PPP1R21: variants seen among roughly 807,000 people sequenced by gnomAD.
PPP1R21 encodes the protein protein phosphatase 1 regulatory subunit 21.
Under a neutral mutation model 112.8 loss-of-function variants are expected in PPP1R21, and 85 were observed. The ratio of observed to expected loss-of-function variants is 0.75; its 90% confidence interval spans 0.63 to 0.90. The LOEUF (loss-of-function observed/expected upper bound fraction) is 0.90. Ranked by LOEUF, PPP1R21 falls within the 40% of genes least tolerant of loss-of-function variation. The probability of loss-of-function intolerance (pLI) is 0.00; values close to 1 mark genes in which losing one functional copy is unlikely to be tolerated. For missense variants in PPP1R21, 1,199 were observed against 901.5 expected (o/e 1.33, Z -4.23); for synonymous variants, 381 against 322.3 (o/e 1.18, Z -1.95).
chr2:48,481,189 A>G (rs1394158727), intron 13 of PPP1R21, among the ~76,000 whole-genome samples: 2 of 152,144 alleles, frequency 1.3e-5, no homozygotes, highest in Non-Finnish European at 2.9e-5. Flanking sequence ...GGGTTTCGCC[A>G]TGTTGGCCAG....
chr2:48,474,492 A>T (rs970906344), intron 11 of PPP1R21, among the ~76,000 whole-genome samples, 191 bp from the exon 12 acceptor site: 2 of 152,228 alleles, frequency 1.3e-5, no homozygotes, highest in African/African-American at 4.8e-5. Context: ...GTCATCTTAT[A>T]TTCCATTGGT....
chr2:48,461,193 T>C lies in PPP1R21; in HGVS notation c.655T>C (p.Leu219=), dbSNP rs774830692. 6.3e-7 allele frequency: 1 copy of C among 1,582,442 alleles called. No individual in the cohort carries two copies. The highest frequency in any genetic ancestry group is 1.2e-5 in the South Asian group (1 of 83,970). ...TTTGTCAGGTAGATTAGAGGAATCCTTATCAATCATCAATGAAAAAGTACC... is the reference window on the plus strand; with the variant it reads ...TTTGTCAGGTAGATTAGAGGAATCCCTATCAATCATCAATGAAAAAGTACC... ...EDLSGRLEES[L]SIINEKVPFN... is the part of the protein sequence containing the mutation. The change falls in exon 7 of 22, where the codon TTA becomes CTA. Residue 219 remains leucine (L), a synonymous_variant. Coordinates refer to ENST00000294952, the MANE Select transcript of PPP1R21 (RefSeq NM_001135629.3).
intron 2 of PPP1R21, among the ~76,000 whole-genome samples, chr2:48,451,437 TCTCA>T (rs1409554791): frequency 2.0e-5 from 3 of 152,364 alleles, no homozygotes; most frequent in African/African-American, 4.8e-5. Context: ...TTTGAATCCC[TCTCA>T]CTCAGCAGAT....
chr2:48,496,838 T>C (rs1323304199), intron 16 of PPP1R21, among the ~76,000 whole-genome samples: 1 of 152,202 alleles, frequency 6.6e-6, no homozygotes, highest in Non-Finnish European at 1.5e-5. Context: ...GCAGTCTCCA[T>C]GAAAAGCCCA....
intron 12 of PPP1R21, among the ~76,000 whole-genome samples, chr2:48,478,569 G>C (rs1668861859): frequency 6.6e-6 from 1 of 152,120 alleles, no homozygotes; most frequent in South Asian, 2.1e-4. Flanking sequence ...ATGTCGTGGG[G>C]CATCAATTGT....
At chr2:48,463,871 T>C (rs1046354168) in intron 7 of PPP1R21, among the ~76,000 whole-genome samples, 2 of 151,810 alleles carry the variant, frequency 1.3e-5, no homozygotes, top group African/African-American at 4.8e-5. Flanking sequence ...GCTGTGATTT[T>C]CTTGGTGGAG....
At chr2:48,469,525 T>G (rs1052328326) in intron 9 of PPP1R21, among the ~76,000 whole-genome samples, 796 of 71,702 alleles carry the variant, frequency 0.011, 93 homozygotes, top group South Asian at 0.036. Flanking sequence ...TATATATATA[T>G]ATATATATAT....
Position 48,494,415 on chromosome 2 carries a change from ATTT to A in PPP1R21, c.1600-1263_1600-1261del, listed in dbSNP as rs1558503541. ...TCTAACATAAAGCCTATTTTATTTT[ATTT>A]ATTTATTTATTTATTTATTTATTTT... On this transcript the variant is annotated intron_variant, in intron 15 of 21. Transcript: ENST00000294952. Among the ~76,000 whole-genome samples the A allele has an allele frequency of 1.6e-3, 11 of 6,722 alleles. No homozygotes were observed. The South Asian group carries it at 0.024, about 14-fold the overall frequency. 4.4% of individuals were successfully genotyped at this position (6,722 alleles called of 152,430 possible). A position where few individuals can be genotyped will look rare whatever the true frequency, so the allele number is the denominator to read the frequency against.
chr2:48,503,814 G>A (rs376509809), intron 17 of PPP1R21, among the ~76,000 whole-genome samples: 19 of 151,934 alleles, frequency 1.3e-4, no homozygotes, highest in East Asian at 7.7e-4. Flanking sequence ...TTAGCTGGGC[G>A]TGGTGGTGGG....
At chr2:48,451,927 A>G (rs1027619584) in intron 2 of PPP1R21, among the ~76,000 whole-genome samples, 11 of 152,266 alleles carry the variant, frequency 7.2e-5, no homozygotes, top group Non-Finnish European at 8.8e-5. Context: ...CAGTTGTTGG[A>G]TCCTACAGGA....
chr2:48,456,016 A>G (rs1473575454), intron 3 of PPP1R21, among the ~76,000 whole-genome samples: 1 of 26,418 alleles, frequency 3.8e-5, no homozygotes, highest in East Asian at 4.2e-4. Context: ...CACTGTCTCA[A>G]AAAAAAAAAA....
intron 11 of PPP1R21, among the ~76,000 whole-genome samples, chr2:48,472,239 CAAAAAAAAAAAAAAAA>C (rs57711610): frequency 7.0e-5 from 3 of 43,014 alleles, no homozygotes; most frequent in Admixed American, 4.7e-4. Context: ...GACTCCATCT[CAAAAAAAAAAAAAAAA>C]AAAAAAAAAA....
At position 48,454,138 on chromosome 2, in the gene PPP1R21, G is replaced by C. The variant is rs1370916585; in HGVS notation, c.127-457G>C. 2.6e-5 allele frequency among the ~76,000 whole-genome samples: 4 copies of C among 152,250 alleles called. No homozygotes were observed. The East Asian group carries it at 7.7e-4, about 29-fold the overall frequency. ...TAGCCGAGTATGGTAGTGTGCGCCT[G>C]AAGTCCCAGCCACTCGGGAGGCTGA... is the stretch of plus-strand genomic sequence containing the variant. On this transcript the variant is annotated intron_variant, in intron 2 of 21. Transcript: ENST00000294952.
intron 19 of PPP1R21, among the ~76,000 whole-genome samples, chr2:48,508,979 C>T (rs1246798906): frequency 3.9e-5 from 6 of 152,280 alleles, no homozygotes; most frequent in South Asian, 4.1e-4. Flanking sequence ...CTGCTCTGAG[C>T]GCCTTATGTT....
intron 4 of PPP1R21, among the ~76,000 whole-genome samples, chr2:48,458,481 A>G (rs1667822159): frequency 6.6e-6 from 1 of 152,176 alleles, no homozygotes; most frequent in Non-Finnish European, 1.5e-5. Flanking sequence ...GTGCAGAAAT[A>G]TACTGAGCAT....
intron 7 of PPP1R21, among the ~76,000 whole-genome samples, chr2:48,462,721 A>C (rs898120308): frequency 6.6e-6 from 1 of 152,164 alleles, no homozygotes; most frequent in Admixed American, 6.5e-5. Flanking sequence ...TCATAAGGCC[A>C]TGGGGTTGTT....
At chr2:48,460,040 G>A in intron 5 of PPP1R21, 55 bp from the exon 6 acceptor site, 3 of 1,605,800 alleles carry the variant, frequency 1.9e-6, no homozygotes, top group East Asian at 2.2e-5. Context: ...TACTAAGTGT[G>A]CTCCTATCTG....
chr2:48,476,319 T>C (rs1668754154), intron 12 of PPP1R21, among the ~76,000 whole-genome samples: 1 of 152,262 alleles, frequency 6.6e-6, no homozygotes, highest in African/African-American at 2.4e-5. Flanking sequence ...TTATATTTTA[T>C]GGATGTATCA....
intron 1 of PPP1R21, among the ~76,000 whole-genome samples, chr2:48,442,269 A>G (rs1253910850): frequency 6.6e-6 from 1 of 152,190 alleles, no homozygotes; most frequent in East Asian, 1.9e-4. Context: ...TTGGTTGAAA[A>G]TGTTTCATGA....
Sources: gnomAD v4.1 joint callset for allele counts (sites outside exome capture counted in the v4.1 genomes callset) on GRCh38, gnomAD v4.1.1 for gene constraint, MANE v1.5 for transcripts, NCBI Gene and HGNC (gene_info 2026-07-23, HGNC 2026-07-21) for gene names.